DOCK3: variants seen among roughly 807,000 people sequenced by gnomAD.
DOCK3 encodes the protein dedicator of cytokinesis 3.
A neutral mutation model predicts 265.6 loss-of-function variants in DOCK3; 60 were observed. The observed-to-expected ratio is 0.23, with a 90% CI of 0.18 to 0.28. The LOEUF is 0.28. Ranked by LOEUF, DOCK3 falls within the 10% of genes least tolerant of loss-of-function variation. The pLI is 1.00. For synonymous variants in DOCK3, 881 were observed against 938.0 expected, an observed-to-expected ratio of 0.94 and a Z score of 1.11; for missense variants, 1,981 against 2,594.3, an observed-to-expected ratio of 0.76 and a Z score of 5.14.
intron 49 of DOCK3, among the ~76,000 whole-genome samples, chr3:51,365,823 C>T (rs918099538): frequency 2.0e-5 from 3 of 152,184 alleles, no homozygotes; most frequent in Admixed American, 6.5e-5. Context: ...AGCCTTGCAT[C>T]CCAGGGATGA....
chr3:51,084,535 C>G (rs928689386), intron 7 of DOCK3, among the ~76,000 whole-genome samples: 1 of 152,092 alleles, frequency 6.6e-6, no homozygotes, highest in African/African-American at 2.4e-5. Flanking sequence ...TAAAATCTTT[C>G]TAGACAAGCA....
chr3:51,244,990 A>C (rs1297557099), intron 21 of DOCK3, among the ~76,000 whole-genome samples: 1 of 152,218 alleles, frequency 6.6e-6, no homozygotes, highest in Non-Finnish European at 1.5e-5. Flanking sequence ...CATAAAAGAG[A>C]TTATATAACT....
At chr3:50,894,625 A>T (rs1476374047) in intron 4 of DOCK3, among the ~76,000 whole-genome samples, 1 of 152,154 alleles carries the variant, frequency 6.6e-6, no homozygotes, top group African/African-American at 2.4e-5. Context: ...GAGTTAAAAG[A>T]CAAGTATTAA....
At chr3:50,774,807 G>A (rs1034806443) in intron 1 of DOCK3, among the ~76,000 whole-genome samples, 3 of 151,986 alleles carry the variant, frequency 2.0e-5, no homozygotes, top group South Asian at 4.2e-4. Context: ...TGTGTGTGAT[G>A]TTTCCTATAG....
chr3:51,219,435 C>T lies in DOCK3; in HGVS notation c.1252+5188C>T, dbSNP rs891810146. On this transcript the variant is annotated intron_variant, in intron 14 of 52. Transcript: ENST00000266037. Reference sequence around the variant, plus strand: ...CAGCCTCACCTTCTTGGGTAACTGACAAGACATAAAAAGAAAAGCTACCAG... The same window carrying T: ...CAGCCTCACCTTCTTGGGTAACTGATAAGACATAAAAAGAAAAGCTACCAG... Among the ~76,000 whole-genome samples, 12 of 152,160 alleles carry T rather than the reference C, an allele frequency of 7.9e-5. No homozygotes were observed. The South Asian group carries it at 1.5e-3, about 18-fold the overall frequency.
intron 9 of DOCK3, among the ~76,000 whole-genome samples, chr3:51,091,420 A>G (rs1364000123): frequency 6.6e-6 from 1 of 152,190 alleles, no homozygotes. Flanking sequence ...GCAATGGCTC[A>G]CGACTGTAAT....
chr3:51,040,256 T>G (rs1209244808), intron 5 of DOCK3, among the ~76,000 whole-genome samples: 1 of 151,914 alleles, frequency 6.6e-6, no homozygotes, highest in African/African-American at 2.4e-5. Flanking sequence ...TGTCTTAATA[T>G]ATGACAAGGC....
At chr3:51,221,580 C>T (rs576323083) in intron 14 of DOCK3, among the ~76,000 whole-genome samples, 3 of 152,328 alleles carry the variant, frequency 2.0e-5, no homozygotes, top group Non-Finnish European at 4.4e-5. Context: ...CTGAGTGCAG[C>T]TGTACCAACA....
intron 5 of DOCK3, among the ~76,000 whole-genome samples, chr3:51,024,207 T>C (rs2079715149): frequency 6.6e-6 from 1 of 152,212 alleles, no homozygotes; most frequent in Admixed American, 6.5e-5. Flanking sequence ...TAATAGTTAT[T>C]ATGTACTTGG....
intron 49 of DOCK3, among the ~76,000 whole-genome samples, chr3:51,369,036 G>T (rs924050009): frequency 2.0e-5 from 3 of 152,232 alleles, no homozygotes; most frequent in Admixed American, 2.0e-4. Context: ...AACCCCATCT[G>T]TACGTCACCA....
At chr3:51,126,805 T>C (rs1057220805) in intron 9 of DOCK3, among the ~76,000 whole-genome samples, 1 of 152,128 alleles carries the variant, frequency 6.6e-6, no homozygotes, top group African/African-American at 2.4e-5. Flanking sequence ...ATACACAGAT[T>C]TGTCACATAG....
intron 22 of DOCK3, among the ~76,000 whole-genome samples, chr3:51,256,719 A>C (rs1252120626): frequency 6.7e-6 from 1 of 149,004 alleles, no homozygotes; most frequent in Non-Finnish European, 1.5e-5. Flanking sequence ...TCAGCCTCCC[A>C]AGTAGCTGGG....
rs551537691 is a variant in DOCK3, at chr3:50,684,398, T to C, written c.37+9098T>C. Reference sequence around the variant, plus strand: ...TTTTATTTTGTTTTATTAATCCTGATGGTATTTTAAAAGGCAGGCTGTAAA... The same window carrying C: ...TTTTATTTTGTTTTATTAATCCTGACGGTATTTTAAAAGGCAGGCTGTAAA... On this transcript the variant is annotated intron_variant, in intron 1 of 52. Transcript: ENST00000266037. 2.6e-5 allele frequency among the ~76,000 whole-genome samples: 4 copies of C among 152,374 alleles called. No homozygotes were observed. The East Asian group carries it at 7.7e-4, about 29-fold the overall frequency.
At chr3:51,193,146 A>G (rs973549309) in intron 12 of DOCK3, among the ~76,000 whole-genome samples, 16 of 152,120 alleles carry the variant, frequency 1.1e-4, no homozygotes, top group Non-Finnish European at 1.8e-4. Context: ...AATTTTATCA[A>G]ATTTTCTTCT....
intron 5 of DOCK3, among the ~76,000 whole-genome samples, chr3:50,979,608 C>G (rs1186233356): frequency 2.0e-5 from 3 of 152,190 alleles, no homozygotes; most frequent in African/African-American, 7.2e-5. Context: ...TCACCCGAAA[C>G]AGATGCTGGT....
intron 12 of DOCK3, among the ~76,000 whole-genome samples, chr3:51,200,882 C>A (rs779136799): frequency 8.6e-5 from 13 of 151,612 alleles, no homozygotes; most frequent in Admixed American, 3.3e-4. Context: ...ACATTCTTAC[C>A]GAAAAGAATT....
At chr3:51,142,367 A>G (rs2107210279) in intron 9 of DOCK3, among the ~76,000 whole-genome samples, 1 of 152,250 alleles carries the variant, frequency 6.6e-6, no homozygotes, top group African/African-American at 2.4e-5. Context: ...TCACTCTCAA[A>G]AAGTTCCCTC....
At chr3:51,232,038 A>G (rs1335714022) in intron 19 of DOCK3, among the ~76,000 whole-genome samples, 1 of 152,230 alleles carries the variant, frequency 6.6e-6, no homozygotes, top group Non-Finnish European at 1.5e-5. Flanking sequence ...ATGTAAATAT[A>G]CTGCCTGAGG....
chr3:50,680,692 A>G (rs1233208626), intron 1 of DOCK3, among the ~76,000 whole-genome samples: 1 of 147,346 alleles, frequency 6.8e-6, no homozygotes, highest in South Asian at 2.1e-4. Context: ...TTTTTTTTTT[A>G]TAGAGACTGG....
Sources: allele counts gnomAD v4.1 joint callset (sites outside exome capture counted in the v4.1 genomes callset), GRCh38; gene constraint gnomAD v4.1.1; transcripts MANE v1.5; gene names NCBI Gene and HGNC (gene_info 2026-07-23, HGNC 2026-07-21).